DDX55: variants seen among roughly 807,000 people sequenced by gnomAD.
The protein encoded by DDX55 is ATP-dependent RNA helicase DDX55.
In DDX55, 56 loss-of-function variants were observed where a neutral mutation model predicts 69.2. That is an observed-to-expected ratio of 0.81 (90% CI 0.65 to 1.01). DDX55 has a LOEUF of 1.01. DDX55 is among the 50% of genes least tolerant of loss of function. The probability of loss-of-function intolerance (pLI) is 0.00; values close to 1 mark genes in which losing one functional copy is unlikely to be tolerated. For missense variants in DDX55, 720 were observed against 745.1 expected (o/e 0.97, Z 0.39); for synonymous variants, 268 against 273.1 (o/e 0.98, Z 0.18).
intron 11 of DDX55, 120 bp downstream of exon 11, chr12:123,617,992 T>C (rs747359482): frequency 1.2e-6 from 1 of 845,728 alleles, no homozygotes; most frequent in Non-Finnish European, 1.9e-6. Context: ...GGGCTGGTGG[T>C]GGCAGTGGGG....
intron 8 of DDX55, 131 bp downstream of exon 8, chr12:123,613,383 A>C (rs1593715127): frequency 4.5e-6 from 4 of 897,076 alleles, no homozygotes; most frequent in Non-Finnish European, 5.0e-6. Context: ...AATAACTGAA[A>C]ACCCAACTTT....
intron 13 of DDX55, 66 bp from the exon 14 acceptor site, chr12:123,619,898 C>A: frequency 6.5e-7 from 1 of 1,548,094 alleles, no homozygotes; most frequent in Non-Finnish European, 8.7e-7. Flanking sequence ...TGAGTTAAAA[C>A]TGCTGGTTTC....
chr12:123,616,314 T>A (rs2135735137), intron 9 of DDX55, among the ~76,000 whole-genome samples, 197 bp from the exon 10 acceptor site: 1 of 152,198 alleles, frequency 6.6e-6, no homozygotes. Context: ...GTCTCTCACC[T>A]CCCTCCAATT....
intron 7 of DDX55, 151 bp downstream of exon 7, chr12:123,610,279 C>T (rs1456393266): frequency 1.9e-5 from 18 of 963,486 alleles, no homozygotes; most frequent in Non-Finnish European, 2.4e-5. Context: ...CTGAGTGGTC[C>T]TACTCATTGA....
chr12:123,618,707 G>A lies in DDX55; in HGVS notation c.1203G>A (p.Ala401=), dbSNP rs967352364. 31 of 1,614,010 alleles carry A rather than the reference G, an allele frequency of 1.9e-5. No homozygotes were observed. Among genetic ancestry groups the A allele is most frequent in the Middle Eastern group, 1.6e-4 (1 of 6,084 alleles). ...LQEMKPQRNT[A]DLLPKLKSMA... ...AGATGAAGCCCCAGAGAAACACAGC[G>A]GACCTTCTGCCAAAACTCAAGTCCA... is the stretch of plus-strand genomic sequence containing the variant. Residue 401 remains alanine (A), a synonymous_variant, in exon 12 of 14, where the codon GCG becomes GCA. Coordinates refer to ENST00000238146, the MANE Select transcript of DDX55 (RefSeq NM_020936.3).
chr12:123,612,147 T>TGAATTTC (rs1566191427), intron 7 of DDX55, among the ~76,000 whole-genome samples: 1 of 152,232 alleles, frequency 6.6e-6, no homozygotes, highest in African/African-American at 2.4e-5. Flanking sequence ...CGGAGCATTT[T>TGAATTTC]GGATTTCGGA....
At chr12:123,612,345 G>C (rs756163634) in intron 7 of DDX55, among the ~76,000 whole-genome samples, 7 of 152,224 alleles carry the variant, frequency 4.6e-5, no homozygotes, top group Non-Finnish European at 1.0e-4. Context: ...TGCATTTAGA[G>C]ATGGCTGAGT....
At chr12:123,615,433 A>C (rs1593728051) in intron 9 of DDX55, 117 bp downstream of exon 9, 1 of 1,404,286 alleles carries the variant, frequency 7.1e-7, no homozygotes, top group Non-Finnish European at 9.6e-7. Context: ...CCTGCCTGGA[A>C]CCCTCTTCCC....
In DDX55 at chr12:123,602,218, C is replaced by T; in HGVS notation, c.70C>T (p.Leu24=). The T allele has an allele frequency of 6.4e-7, 1 of 1,571,474 alleles. No individual in the cohort carries two copies. Among genetic ancestry groups the T allele is most frequent in the South Asian group, 1.2e-5 (1 of 86,118 alleles). ...VPLHPQVLGA[L]RELGFPYMTP... is the part of the protein sequence containing the mutation. The stretch of plus-strand genomic sequence containing the variant: ...GCTGCACCCGCAGGTGCTGGGCGCG[C>T]TGCGGGAGCTGGGCTTCCCGTACAT... The change falls in exon 1 of 14, where the codon CTG becomes TTG. Residue 24 remains leucine, a synonymous_variant. Coordinates refer to ENST00000238146, the MANE Select transcript of DDX55 (RefSeq NM_020936.3).
At chr12:123,617,907 G>C (rs1315161831) in intron 11 of DDX55, 35 bp downstream of exon 11, 5 of 1,500,444 alleles carry the variant, frequency 3.3e-6, no homozygotes, top group Non-Finnish European at 4.5e-6. Flanking sequence ...AGAATGCCTA[G>C]TGACGGGGTA....
chr12:123,616,979 C>T (rs1320842878), intron 10 of DDX55: 1 of 260,126 alleles, frequency 3.8e-6, no homozygotes, highest in Non-Finnish European at 7.6e-6. Flanking sequence ...GGACAAAACC[C>T]TGTCTCTACA....
At chr12:123,610,234 T>C (rs1954129171) in intron 7 of DDX55, 106 bp downstream of exon 7, 1 of 1,401,192 alleles carries the variant, frequency 7.1e-7, no homozygotes, top group Non-Finnish European at 9.5e-7. Context: ...ACCTATGAAA[T>C]GCATTTGGGG....
rs757836624 is a variant in DDX55, at chr12:123,617,886, CGTTTT to C, written c.1164+15_1164+19del. 2 of 1,611,140 alleles carry C rather than the reference CGTTTT, an allele frequency of 1.2e-6. No homozygotes were observed. Among genetic ancestry groups the C allele is most frequent in the Non-Finnish European group, 8.5e-7 (1 of 1,177,554 alleles). On this transcript the variant is annotated intron_variant, in intron 11 of 13. Transcript: ENST00000238146. ...ATTAACCAAAAAGTAAGCTGCCGTC[CGTTTT>C]CAGATAGAATGCCTAGTGACGGGGT...
intron 7 of DDX55, among the ~76,000 whole-genome samples, chr12:123,611,323 G>T (rs1954223658): frequency 6.6e-6 from 1 of 152,184 alleles, no homozygotes. Flanking sequence ...CCCCTGTTCT[G>T]TTCTGTCCCA....
At chr12:123,607,146 C>G (rs537487404) in intron 3 of DDX55, among the ~76,000 whole-genome samples, 5 of 152,188 alleles carry the variant, frequency 3.3e-5, no homozygotes, top group Non-Finnish European at 7.3e-5. Flanking sequence ...AAATGTCATG[C>G]CCAAAGACTG....
intron 12 of DDX55, 106 bp from the exon 13 acceptor site, chr12:123,619,326 A>C (rs1392836258): frequency 6.8e-7 from 1 of 1,476,264 alleles, no homozygotes; most frequent in Non-Finnish European, 8.9e-7. Context: ...TTCTAACTAA[A>C]ATGAATGCAT....
chr12:123,608,775 A>C lies in DDX55; in HGVS notation c.497A>C (p.Asp166Ala). ...LDLASCVRSL[D>A]VLVLDEADRL... ...CTGGCCAGCTGTGTGCGATCCCTGGATGTCCTGGTGTTGGATGAGGCAGAC... is the reference window on the plus strand; with the variant it reads ...CTGGCCAGCTGTGTGCGATCCCTGGCTGTCCTGGTGTTGGATGAGGCAGAC... The change falls in exon 6 of 14, where the codon GAT (aspartate) becomes GCT (alanine). Residue 166 changes from aspartate (D) to alanine (A), a missense_variant. By Grantham distance (126) the Asp-to-Ala change is moderately radical (BLOSUM62 -2). Coordinates refer to ENST00000238146, the MANE Select transcript of DDX55 (RefSeq NM_020936.3). 6.2e-7 allele frequency: 1 copy of C among 1,614,158 alleles called. No individual in the cohort carries two copies. The highest frequency in any genetic ancestry group is 8.5e-7 in the Non-Finnish European group (1 of 1,180,038).
chr12:123,613,495 A>G (rs540526025), intron 8 of DDX55, among the ~76,000 whole-genome samples: 61 of 152,322 alleles, frequency 4.0e-4, no homozygotes, highest in African/African-American at 1.4e-3. Context: ...GTCAAGGTCA[A>G]TGTTGATGTG....
intron 11 of DDX55, 40 bp downstream of exon 11, chr12:123,617,912 G>A (rs762467362): frequency 7.7e-6 from 12 of 1,564,074 alleles, no homozygotes; most frequent in East Asian, 2.2e-5. Flanking sequence ...GCCTAGTGAC[G>A]GGGTAGCTGG....
Sources: allele counts gnomAD v4.1 joint callset (sites outside exome capture counted in the v4.1 genomes callset), GRCh38; gene constraint gnomAD v4.1.1; transcripts MANE v1.5; gene names NCBI Gene and HGNC (gene_info 2026-07-23, HGNC 2026-07-21).